The following GABRB2 variants were observed in gnomAD, a reference collection of about 807,000 sequenced individuals.
The protein encoded by GABRB2 is gamma-aminobutyric acid receptor subunit beta-2.
A neutral mutation model predicts 54.7 loss-of-function variants in GABRB2; 16 were observed. The ratio of observed to expected loss-of-function variants is 0.29; its 90% CI spans 0.20 to 0.44. GABRB2 has a LOEUF of 0.44. Ranked by LOEUF, GABRB2 falls within the 20% of genes least tolerant of loss-of-function variation. GABRB2 has a pLI of 1.00. For synonymous variants in GABRB2, 244 were observed against 233.8 expected (o/e 1.04, Z -0.40); for missense variants, 355 against 644.0 (o/e 0.55, Z 4.86).
intron 3 of GABRB2, among the ~76,000 whole-genome samples, chr5:161,468,115 C>A (rs1758329745): frequency 6.6e-6 from 1 of 152,040 alleles, no homozygotes; most frequent in African/African-American, 2.4e-5. Flanking sequence ...TTTACGAGTT[C>A]CTGTAATGCC....
intron 5 of GABRB2, among the ~76,000 whole-genome samples, chr5:161,360,468 A>T (rs1038521279): frequency 1.3e-5 from 2 of 152,184 alleles, no homozygotes; most frequent in Non-Finnish European, 2.9e-5. Flanking sequence ...TTATTTCTAC[A>T]AGTTGTTCTC....
At chr5:161,431,833 G>A (rs1473089946) in intron 4 of GABRB2, among the ~76,000 whole-genome samples, 2 of 152,016 alleles carry the variant, frequency 1.3e-5, no homozygotes, top group Non-Finnish European at 2.9e-5. Flanking sequence ...CGGATAACAC[G>A]GTTTTATATT....
intron 3 of GABRB2, among the ~76,000 whole-genome samples, chr5:161,535,336 T>TA (rs1281944862): frequency 6.6e-6 from 1 of 152,142 alleles, no homozygotes; most frequent in South Asian, 2.1e-4. Flanking sequence ...AGTACCTACT[T>TA]AAAAAAACAT....
intron 9 of GABRB2, among the ~76,000 whole-genome samples, chr5:161,318,117 C>T (rs1380293896): frequency 3.3e-5 from 5 of 151,226 alleles, no homozygotes; most frequent in Non-Finnish European, 7.4e-5. Context: ...ATGAAAGTAA[C>T]CATGTGCTTT....
chr5:161,322,072 A>G (rs1373294587), intron 9 of GABRB2, among the ~76,000 whole-genome samples: 1 of 152,136 alleles, frequency 6.6e-6, no homozygotes, highest in Non-Finnish European at 1.5e-5. Flanking sequence ...CTGTTCAACC[A>G]CTGCTTAGCT....
In GABRB2 at chr5:161,503,372, A is replaced by G. The variant is rs909718955; in HGVS notation, c.237+41855T>C. 3.3e-5 allele frequency among the ~76,000 whole-genome samples: 5 copies of G among 152,146 alleles called. No individual in the cohort carries two copies. In the South Asian group the frequency reaches 1.0e-3, roughly 32 times the overall value. ...TGGCAGAAAAGAATAAAAAAGAGGAACAAAAGACACTTAGGACAAATGGAA... is the reference window on the plus strand; with the variant it reads ...TGGCAGAAAAGAATAAAAAAGAGGAGCAAAAGACACTTAGGACAAATGGAA... On this transcript the variant is annotated intron_variant, in intron 3 of 9. Transcript: ENST00000393959.
intron 4 of GABRB2, among the ~76,000 whole-genome samples, chr5:161,442,780 TCA>T (rs112187993): frequency 0.062 from 9,379 of 151,974 alleles, 315 homozygotes; most frequent in Middle Eastern, 0.095. Flanking sequence ...TTTTTTGATC[TCA>T]GAGTCCCCTT....
intron 5 of GABRB2, among the ~76,000 whole-genome samples, chr5:161,409,689 C>A (rs1756451304): frequency 6.6e-6 from 1 of 152,126 alleles, no homozygotes; most frequent in African/African-American, 2.4e-5. Flanking sequence ...CTTATTTCAG[C>A]ATATTCTTAC....
chr5:161,466,072 T>G (rs953473132), intron 3 of GABRB2, among the ~76,000 whole-genome samples: 1 of 152,082 alleles, frequency 6.6e-6, no homozygotes. Context: ...CTTTGATGGG[T>G]AGCAGTCAGT....
chr5:161,348,811 A>C (rs1471484565), intron 5 of GABRB2, among the ~76,000 whole-genome samples: 1 of 152,026 alleles, frequency 6.6e-6, no homozygotes, highest in Non-Finnish European at 1.5e-5. Flanking sequence ...AATTAATATA[A>C]ATATATATTT....
At chr5:161,395,540 T>C (rs1755969524) in intron 5 of GABRB2, among the ~76,000 whole-genome samples, 1 of 152,186 alleles carries the variant, frequency 6.6e-6, no homozygotes, top group South Asian at 2.1e-4. Context: ...AGACATTTAT[T>C]ATGAAATAAC....
chr5:161,537,165 T>C (rs1335793717), intron 3 of GABRB2, among the ~76,000 whole-genome samples: 1 of 152,200 alleles, frequency 6.6e-6, no homozygotes, highest in Non-Finnish European at 1.5e-5. Context: ...TACTTATTTA[T>C]CTCTTCTGTG....
chr5:161,489,140 T>C (rs1759022196), intron 3 of GABRB2, among the ~76,000 whole-genome samples: 1 of 151,702 alleles, frequency 6.6e-6, no homozygotes, highest in Non-Finnish European at 1.5e-5. Context: ...GGCTTGTGAG[T>C]AACAAAGCCA....
chr5:161,397,998 A>T (rs1477567270), intron 5 of GABRB2, among the ~76,000 whole-genome samples: 1 of 149,856 alleles, frequency 6.7e-6, no homozygotes, highest in East Asian at 2.0e-4. Context: ...TAATTGATAG[A>T]CAGAGGTAGA....
At chr5:161,383,582 C>T (rs1755535265) in intron 5 of GABRB2, among the ~76,000 whole-genome samples, 1 of 152,182 alleles carries the variant, frequency 6.6e-6, no homozygotes, top group Admixed American at 6.6e-5. Context: ...AGTTCCTTGA[C>T]TGCACTAGCC....
At position 161,460,241 on chromosome 5, in the gene GABRB2, C is replaced by A. The variant is rs867300547; in HGVS notation, c.238-397G>T. On this transcript the variant is annotated intron_variant, in intron 3 of 9. Coordinates refer to ENST00000393959, the MANE Select transcript of GABRB2 (RefSeq NM_001371727.1). Reference sequence around the variant, plus strand: ...GATTACAGGCATGAGCCACCACAACCGGCCAAGAAAACAAATTTATATATA... The same window carrying A: ...GATTACAGGCATGAGCCACCACAACAGGCCAAGAAAACAAATTTATATATA... Among the ~76,000 whole-genome samples the A allele has an allele frequency of 5.3e-5, 8 of 151,148 alleles. No homozygotes were observed. In the Middle Eastern group the frequency reaches 0.014, roughly 257 times the overall value.
intron 3 of GABRB2, among the ~76,000 whole-genome samples, chr5:161,527,677 G>A (rs1381042141): frequency 1.3e-5 from 2 of 151,452 alleles, no homozygotes; most frequent in East Asian, 1.9e-4. Flanking sequence ...ACATAAAAAG[G>A]CAACTCAGGG....
intron 9 of GABRB2, among the ~76,000 whole-genome samples, chr5:161,307,695 G>A (rs1360976551): frequency 6.6e-6 from 1 of 152,010 alleles, no homozygotes; most frequent in Admixed American, 6.6e-5. Flanking sequence ...AGATAAGATA[G>A]TTATGGAGCC....
Position 161,293,106 on chromosome 5 carries a change from A to T in GABRB2, c.*975T>A, listed in dbSNP as rs1279313657. 6.6e-6 allele frequency: 1 copy of T among 152,204 alleles called. No homozygotes were observed. Among genetic ancestry groups the T allele is most frequent in the Non-Finnish European group, 1.5e-5 (1 of 68,036 alleles). 9.4% of individuals were successfully genotyped at this position (152,204 alleles called of 1,614,324 possible). ...TCTGAATCTAACCTGAATATCTAAG[A>T]CAATTCTCATTTCTCTAATTTTTGT... On this transcript the variant is annotated 3_prime_UTR_variant, in exon 10 of 10. Transcript: ENST00000393959.
Sources: allele counts gnomAD v4.1 joint callset (sites outside exome capture counted in the v4.1 genomes callset), GRCh38; gene constraint gnomAD v4.1.1; transcripts MANE v1.5; gene names NCBI Gene and HGNC (gene_info 2026-07-23, HGNC 2026-07-21).